The following AQP7 variants were observed in gnomAD, a reference collection of about 807,000 sequenced individuals.
The protein encoded by AQP7 is aquaporin-7.
Under a neutral mutation model 26.1 loss-of-function variants are expected in AQP7, and 22 were observed. The ratio of observed to expected loss-of-function variants is 0.84; its 90% CI spans 0.60 to 1.20. AQP7 has a LOEUF of 1.20. Ranked by LOEUF, AQP7 falls within the 50% of genes most tolerant of loss-of-function variation. AQP7 has a pLI of 0.00. For synonymous variants in AQP7, 167 were observed against 181.7 expected (o/e 0.92, Z 0.65); for missense variants, 412 against 457.5 (o/e 0.90, Z 0.91).
At position 33,391,275 on chromosome 9, in the gene AQP7, G is replaced by A. The variant is rs145980245; in HGVS notation, c.144+3803C>T. On this transcript the variant is annotated intron_variant, in intron 3 of 7. Transcript: ENST00000297988. The stretch of plus-strand genomic sequence containing the variant: ...AGTTTCCTTCTCTCTTGAAAAATGA[G>A]CAGCTCAGGCAACACTGGCCTGCAT... Among the ~76,000 whole-genome samples, 80 of 152,304 alleles carry A rather than the reference G, an allele frequency of 5.3e-4. 2 individuals are homozygous for A. In the East Asian group the frequency reaches 0.012, roughly 23 times the overall value.
At chr9:33,385,587 C>A (rs373454335) in intron 7 of AQP7, 62 bp downstream of exon 7, 47 of 1,583,388 alleles carry the variant, frequency 3.0e-5, no homozygotes, top group Non-Finnish European at 4.0e-5. Context: ...CACCCCCCAC[C>A]CCTCAACACA....
intron 3 of AQP7, among the ~76,000 whole-genome samples, chr9:33,390,773 C>T (rs1329611908): frequency 3.3e-5 from 5 of 152,146 alleles, no homozygotes; most frequent in African/African-American, 4.8e-5. Context: ...AACAGAGGGG[C>T]CCCCATGGCC....
chr9:33,384,966 C>CT lies in AQP7; in HGVS notation c.*38dup. The CT allele has an allele frequency of 7.0e-6, 11 of 1,567,320 alleles. No individual in the cohort carries two copies. Among genetic ancestry groups the CT allele is most frequent in the Non-Finnish European group, 9.5e-6 (11 of 1,153,572 alleles). On this transcript the variant is annotated 3_prime_UTR_variant, in exon 8 of 8. Coordinates refer to ENST00000297988, the MANE Select transcript of AQP7 (RefSeq NM_001170.3). ...GGGTACTGCTGTCGGACAAGCCTTG[C>CT]TTTATTGGGGAATGGATGGGATCAC... is the stretch of plus-strand genomic sequence containing the variant.
At chr9:33,385,894 C>G (rs370888561) in intron 6 of AQP7, 28 bp from the exon 7 acceptor site, 57 of 1,590,436 alleles carry the variant, frequency 3.6e-5, no homozygotes, top group Non-Finnish European at 4.8e-5. Flanking sequence ...TGGCAGCTCA[C>G]CTGGGCCCCT....
chr9:33,387,568 C>A (rs1046408877), intron 3 of AQP7, among the ~76,000 whole-genome samples: 2 of 152,150 alleles, frequency 1.3e-5, no homozygotes, highest in South Asian at 4.1e-4. Context: ...GCAATTCCCA[C>A]AATGCTGGAA....
intron 4 of AQP7, among the ~76,000 whole-genome samples, 196 bp from the exon 5 acceptor site, chr9:33,386,737 G>A (rs1044796484): frequency 2.6e-5 from 4 of 152,228 alleles, no homozygotes; most frequent in African/African-American, 9.6e-5. Flanking sequence ...GGAACACAGA[G>A]GCGATGGCTT....
At chr9:33,394,805 A>G (rs752050648) in intron 3 of AQP7, among the ~76,000 whole-genome samples, 7 of 151,862 alleles carry the variant, frequency 4.6e-5, no homozygotes, top group Non-Finnish European at 1.0e-4. Flanking sequence ...GGCCTCTTCA[A>G]TCTCTTTATC....
rs1433836372 is a variant in AQP7 at position 33,385,750 on chromosome 9, C to G, written c.642G>C (p.Gly214=). 2.5e-6 allele frequency: 4 copies of G among 1,613,814 alleles called. No individual in the cohort carries two copies. Among genetic ancestry groups the G allele is most frequent in the Non-Finnish European group, 3.4e-6 (4 of 1,180,024 alleles). ...ATCCTGTGTTCATGCCAAGGGACAC[C>G]CCGATGATGACCACGAGGATGCCTA... ...LVIGILVVII[G]VSLGMNTGYA... Residue 214 remains glycine (G), a synonymous_variant, in exon 7 of 8, where the codon GGG becomes GGC. Coordinates refer to ENST00000297988, the MANE Select transcript of AQP7 (RefSeq NM_001170.3).
chr9:33,401,325 A>AT (rs1826263392), intron 1 of AQP7, 38 bp from the exon 2 acceptor site: 1 of 1,517,084 alleles, frequency 6.6e-7, no homozygotes, highest in African/African-American at 1.4e-5. Context: ...GCTGGAGGAC[A>AT]CAGAACTTGG....
Position 33,395,118 on chromosome 9 carries a change from C to T in AQP7, c.104G>A (p.Arg35Gln), listed in dbSNP as rs763689078. Residue 35 changes from arginine to glutamine, a missense_variant, in exon 3 of 8, where the codon CGA (arginine) becomes CAA (glutamine). Arg to Gln is a conservative substitution (Grantham distance 43). Transcript: ENST00000297988. Reference sequence around the variant, plus strand: ...GCTCATGAACTCGGCCAGGAACTCTCGCACCATCTTCCTCTGCAGTATTTC... The same window carrying T: ...GCTCATGAACTCGGCCAGGAACTCTTGCACCATCTTCCTCTGCAGTATTTC... ...IQEILQRKMVREFLAEFMSTY... is the reference protein window; with the variant it reads ...IQEILQRKMVQEFLAEFMSTY... 6 of 1,613,950 alleles carry T rather than the reference C, an allele frequency of 3.7e-6. No individual in the cohort carries two copies. The highest frequency in any genetic ancestry group is 2.2e-5 in the East Asian group (1 of 44,864).
At chr9:33,386,315 T>C in intron 5 of AQP7, 89 bp downstream of exon 5, 3 of 1,595,796 alleles carry the variant, frequency 1.9e-6, no homozygotes, top group Non-Finnish European at 2.6e-6. Context: ...CCAGCTATTT[T>C]TTACAAATCA....
At position 33,395,086 on chromosome 9, in the gene AQP7, C is replaced by T. The variant is rs1333082206; in HGVS notation, c.136G>A (p.Val46Ile). ...EFLAEFMSTY[V>I]MMVFGLGSVA... ...GCTGCCCACCCACTCACCATCATGA[C>T]ATATGTGCTCATGAACTCGGCCAGG... is the stretch of plus-strand genomic sequence containing the variant. Residue 46 changes from valine (V) to isoleucine (I), a missense_variant, in exon 3 of 8, where the codon GTC becomes ATC. Physicochemically the swap from Val to Ile is conservative, Grantham distance 29. Transcript: ENST00000297988. The T allele has an allele frequency of 3.7e-6, 6 of 1,612,520 alleles. No homozygotes were observed. Among genetic ancestry groups the T allele is most frequent in the South Asian group, 1.1e-5 (1 of 91,046 alleles).
intron 2 of AQP7, among the ~76,000 whole-genome samples, chr9:33,398,781 G>A (rs1466153014): frequency 1.3e-5 from 2 of 151,982 alleles, no homozygotes; most frequent in Non-Finnish European, 2.9e-5. Flanking sequence ...GCAAATCACA[G>A]ATGGTCATCT....
At position 33,386,987 on chromosome 9, in the gene AQP7, C is replaced by T. The variant is rs567492290; in HGVS notation, c.250G>A (p.Val84Met). The T allele has an allele frequency of 3.6e-4, 579 of 1,611,738 alleles. 2 individuals are homozygous for T. Among genetic ancestry groups the T allele is most frequent in the East Asian group, 3.1e-3 (137 of 44,882 alleles). Residue 84 changes from valine to methionine, a missense_variant, in exon 4 of 8, where the codon GTG (valine) becomes ATG (methionine). Coordinates refer to ENST00000297988, the MANE Select transcript of AQP7 (RefSeq NM_001170.3). ...FGFGVTMGVH[V>M]AGRISGAHMN... ...CACTCACCAGAGATGCGGCCTGCCA[C>T]GTGCACTCCCATGGTGACTCCGAAG...
At chr9:33,398,098 G>A (rs1825980641) in intron 2 of AQP7, among the ~76,000 whole-genome samples, 1 of 152,062 alleles carries the variant, frequency 6.6e-6, no homozygotes, top group African/African-American at 2.4e-5. Flanking sequence ...TAGAGGAGGG[G>A]GTAGGAGGCT....
intron 3 of AQP7, among the ~76,000 whole-genome samples, chr9:33,390,093 C>T (rs117413200): frequency 6.6e-5 from 10 of 150,696 alleles, no homozygotes; most frequent in African/African-American, 1.7e-4. Flanking sequence ...GACTCCTCTT[C>T]GAGAACTCGC....
Position 33,383,587 on chromosome 9 carries a change from A to G in AQP7, c.*1418T>C, listed in dbSNP as rs1824513664. 1 of 152,372 alleles carries G rather than the reference A, an allele frequency of 6.6e-6. No individual in the cohort carries two copies. The highest frequency in any genetic ancestry group is 1.5e-5 in the Non-Finnish European group (1 of 68,240). The allele number at this position is 152,372 out of a possible 1,614,324, so 9.4% of individuals were successfully genotyped here. A position where few individuals can be genotyped will look rare whatever the true frequency, so the allele number is the denominator to read the frequency against. On this transcript the variant is annotated 3_prime_UTR_variant, in exon 8 of 8. Transcript: ENST00000297988. ...TCTCGTCTCCACGCCCACGGTGCTG[A>G]CCCATTGTTAGGTGCCCGGCTGCTG...
rs564066231 is a variant in AQP7 at position 33,401,336 on chromosome 9, C to T, written c.-25-49G>A. On this transcript the variant is annotated intron_variant, in intron 1 of 7. Coordinates refer to ENST00000297988, the MANE Select transcript of AQP7 (RefSeq NM_001170.3). ...TAGGGCTGGAGGACACAGAACTTGG[C>T]CCCACACTTCCATCAGACCTTGGTC... 75 of 1,460,636 alleles carry T rather than the reference C, an allele frequency of 5.1e-5. 1 individual carries two copies. The East Asian group carries it at 1.3e-3, about 26-fold the overall frequency. 90.5% of individuals were successfully genotyped at this position (1,460,636 alleles called of 1,614,324 possible).
At chr9:33,386,685 A>G in intron 4 of AQP7, 144 bp from the exon 5 acceptor site, 2 of 1,209,746 alleles carry the variant, frequency 1.7e-6, no homozygotes, top group Non-Finnish European at 2.3e-6. Flanking sequence ...CCACCCCGTG[A>G]GGCAGGGGCC....
Sources: gnomAD v4.1 joint callset for allele counts (sites outside exome capture counted in the v4.1 genomes callset) on GRCh38, gnomAD v4.1.1 for gene constraint, MANE v1.5 for transcripts, NCBI Gene and HGNC (gene_info 2026-07-23, HGNC 2026-07-21) for gene names.